CNTNAP2: variants seen among roughly 807,000 people sequenced by gnomAD.
CNTNAP2 encodes the protein contactin-associated protein-like 2.
CNTNAP2 carries 98 observed loss-of-function variants against 155.2 expected under a neutral mutation model. That is an observed-to-expected ratio of 0.63 (90% CI 0.54 to 0.75). The LOEUF is 0.75. Ranked by LOEUF, CNTNAP2 falls within the 30% of genes least tolerant of loss-of-function variation. The pLI is 0.00. For synonymous variants in CNTNAP2, 651 were observed against 631.2 expected (o/e 1.03, Z -0.47); for missense variants, 1,727 against 1,688.1 (o/e 1.02, Z -0.40).
At chr7:147,405,584 T>A (rs1796992771) in intron 10 of CNTNAP2, among the ~76,000 whole-genome samples, 1 of 152,320 alleles carries the variant, frequency 6.6e-6, no homozygotes, top group Middle Eastern at 3.4e-3. Flanking sequence ...AAAATGCATA[T>A]GCAAGTCATA....
intron 1 of CNTNAP2, among the ~76,000 whole-genome samples, chr7:146,281,927 T>C (rs1250757847): frequency 6.6e-6 from 1 of 152,232 alleles, no homozygotes; most frequent in East Asian, 1.9e-4. Context: ...GCTGGTGAAT[T>C]AATAAAGATG....
intron 15 of CNTNAP2, among the ~76,000 whole-genome samples, chr7:148,035,589 C>T (rs1247186994): frequency 6.6e-6 from 1 of 152,110 alleles, no homozygotes; most frequent in East Asian, 1.9e-4. Context: ...AGCTGTGGGG[C>T]CATGGTAGCC....
intron 12 of CNTNAP2, among the ~76,000 whole-genome samples, chr7:147,627,689 C>T (rs1795009082): frequency 1.4e-5 from 1 of 70,272 alleles, no homozygotes; most frequent in Non-Finnish European, 2.4e-5. Flanking sequence ...GAGACTCTGT[C>T]TCAAAAAAAA....
chr7:146,280,102 G>A (rs996237287), intron 1 of CNTNAP2, among the ~76,000 whole-genome samples: 1 of 152,264 alleles, frequency 6.6e-6, no homozygotes, highest in Admixed American at 6.5e-5. Context: ...CGATGTGTGT[G>A]TGAATGTTTG....
At chr7:146,632,704 G>A (rs987309308) in intron 1 of CNTNAP2, among the ~76,000 whole-genome samples, 8 of 151,896 alleles carry the variant, frequency 5.3e-5, no homozygotes, top group African/African-American at 1.9e-4. Flanking sequence ...GCCTATATTT[G>A]TAGAGGACAT....
At chr7:146,867,639 GTGTATAAGTGTTTCCTTT>G (rs1341030087) in intron 3 of CNTNAP2, among the ~76,000 whole-genome samples, 1 of 152,106 alleles carries the variant, frequency 6.6e-6, no homozygotes, top group African/African-American at 2.4e-5. Flanking sequence ...CCCACCAACA[GTGTATAAGTGTTTCCTTT>G]TCTTCACAAC....
chr7:146,729,978 C>T (rs1208173113), intron 1 of CNTNAP2, among the ~76,000 whole-genome samples: 1 of 152,072 alleles, frequency 6.6e-6, no homozygotes, highest in Non-Finnish European at 1.5e-5. Context: ...AGTTAATCAT[C>T]CCCAGTCACA....
At chr7:147,484,375 C>T (rs1317791032) in intron 10 of CNTNAP2, among the ~76,000 whole-genome samples, 3 of 151,932 alleles carry the variant, frequency 2.0e-5, no homozygotes, top group Non-Finnish European at 4.4e-5. Context: ...TTTAATTGTG[C>T]CCAAAATGTA....
intron 3 of CNTNAP2, among the ~76,000 whole-genome samples, chr7:146,978,621 G>A (rs1797956980): frequency 6.6e-6 from 1 of 151,682 alleles, no homozygotes; most frequent in African/African-American, 2.4e-5. Flanking sequence ...TATTCATCAG[G>A]TATTTGAACT....
intron 13 of CNTNAP2, among the ~76,000 whole-genome samples, chr7:147,762,241 G>A (rs1797314854): frequency 6.6e-6 from 1 of 151,454 alleles, no homozygotes; most frequent in East Asian, 1.9e-4. Flanking sequence ...CATAAATTAA[G>A]TGACATCAAT....
At chr7:147,684,142 C>T (rs1405929803) in intron 13 of CNTNAP2, among the ~76,000 whole-genome samples, 1 of 151,754 alleles carries the variant, frequency 6.6e-6, no homozygotes, top group Non-Finnish European at 1.5e-5. Context: ...ATGACAGATA[C>T]AATTTTTCAA....
At chr7:146,943,467 G>C (rs1303330930) in intron 3 of CNTNAP2, among the ~76,000 whole-genome samples, 1 of 152,162 alleles carries the variant, frequency 6.6e-6, no homozygotes, top group Non-Finnish European at 1.5e-5. Context: ...ACTCCAGCCT[G>C]GGTGACAGAG....
chr7:146,967,986 C>T (rs1225828189), intron 3 of CNTNAP2, among the ~76,000 whole-genome samples: 2 of 143,282 alleles, frequency 1.4e-5, no homozygotes, highest in African/African-American at 2.5e-5. Flanking sequence ...TACGTCCCAT[C>T]AATACCTAAT....
At chr7:147,787,903 T>G (rs1007475331) in intron 13 of CNTNAP2, among the ~76,000 whole-genome samples, 2 of 152,224 alleles carry the variant, frequency 1.3e-5, no homozygotes, top group Non-Finnish European at 2.9e-5. Context: ...TATAAGATTT[T>G]GTACTCCTCC....
rs138745627 is a variant in CNTNAP2, at chr7:146,812,814, G to A, written c.209-26897G>A. ...CCCAGAGGCCTAGAAGGGAAATATT[G>A]TTTCCTGGACTGGACCCAGGGTCCC... On this transcript the variant is annotated intron_variant, in intron 2 of 23. Transcript: ENST00000361727. Among the ~76,000 whole-genome samples, 848 of 152,294 alleles carry A rather than the reference G, an allele frequency of 5.6e-3. 6 individuals are homozygous for A. Among genetic ancestry groups the A allele is most frequent in the African/African-American group, 0.016 (684 of 41,568 alleles).
chr7:146,174,164 T>C (rs1798435345), intron 1 of CNTNAP2, among the ~76,000 whole-genome samples: 1 of 151,196 alleles, frequency 6.6e-6, no homozygotes, highest in African/African-American at 2.4e-5. Flanking sequence ...ATCCTGCCAT[T>C]GCACTGTAGC....
intron 1 of CNTNAP2, among the ~76,000 whole-genome samples, chr7:146,426,420 C>CACAT (rs1554431751): frequency 6.8e-6 from 1 of 146,590 alleles, no homozygotes; most frequent in African/African-American, 2.5e-5. Flanking sequence ...CACACACACA[C>CACAT]ATATACACAC....
chr7:148,178,315 G>A (rs1190172681), intron 18 of CNTNAP2, among the ~76,000 whole-genome samples: 1 of 152,162 alleles, frequency 6.6e-6, no homozygotes, highest in Non-Finnish European at 1.5e-5. Context: ...TTCTGAGTTA[G>A]GGAGTTCTGT....
chr7:146,374,828 A>C (rs1795284096), intron 1 of CNTNAP2, among the ~76,000 whole-genome samples: 1 of 152,324 alleles, frequency 6.6e-6, no homozygotes, highest in Admixed American at 6.5e-5. Flanking sequence ...CAACAATTTT[A>C]TGATTTTGTA....
Sources: gnomAD v4.1 joint callset for allele counts (sites outside exome capture counted in the v4.1 genomes callset) on GRCh38, gnomAD v4.1.1 for gene constraint, MANE v1.5 for transcripts, NCBI Gene and HGNC (gene_info 2026-07-23, HGNC 2026-07-21) for gene names.